PKIA: variants seen among roughly 807,000 people sequenced by gnomAD.
PKIA encodes the protein PKI-alpha.
In PKIA, 4 loss-of-function variants were observed where a neutral mutation model predicts 7.6. That is an observed-to-expected ratio of 0.52 (90% confidence interval 0.26 to 1.20). The LOEUF is 1.20. PKIA is among the 50% of genes most tolerant of loss of function. The pLI is 0.13. For missense variants in PKIA, 73 were observed against 86.2 expected, an observed-to-expected ratio of 0.85 and a Z score of 0.61; for synonymous variants, 21 against 30.7, an observed-to-expected ratio of 0.68 and a Z score of 1.04.
intron 1 of PKIA, among the ~76,000 whole-genome samples, chr8:78,539,485 G>T (rs534184083): frequency 1.3e-5 from 2 of 152,070 alleles, no homozygotes; most frequent in Non-Finnish European, 2.9e-5. Flanking sequence ...TTCTTGAGAT[G>T]TAGAACATCT....
intron 1 of PKIA, among the ~76,000 whole-genome samples, chr8:78,528,451 T>C (rs920869274): frequency 6.6e-6 from 1 of 152,074 alleles, no homozygotes; most frequent in African/African-American, 2.4e-5. Context: ...AGGCCAGACC[T>C]GTCAATTAGA....
intron 2 of PKIA, among the ~76,000 whole-genome samples, chr8:78,587,553 T>C (rs1347541526): frequency 1.3e-5 from 2 of 152,146 alleles, no homozygotes; most frequent in East Asian, 3.8e-4. Flanking sequence ...GATAAATGAT[T>C]TATAAACCCT....
intron 2 of PKIA, among the ~76,000 whole-genome samples, chr8:78,574,594 T>A (rs1221239956): frequency 6.6e-6 from 1 of 151,960 alleles, no homozygotes; most frequent in Admixed American, 6.6e-5. Flanking sequence ...CTCCCAGGTG[T>A]GAAAGTGAAC....
At chr8:78,564,349 T>A (rs1054633885) in intron 1 of PKIA, among the ~76,000 whole-genome samples, 2 of 151,890 alleles carry the variant, frequency 1.3e-5, no homozygotes, top group African/African-American at 4.8e-5. Context: ...TAGGAATAAG[T>A]TATGAAGAGG....
intron 2 of PKIA, among the ~76,000 whole-genome samples, chr8:78,583,009 C>A (rs187135985): frequency 6.6e-6 from 1 of 152,300 alleles, no homozygotes; most frequent in East Asian, 1.9e-4. Context: ...CTCTCAGAAA[C>A]CTGGGCACTT....
intron 1 of PKIA, among the ~76,000 whole-genome samples, chr8:78,539,349 G>A (rs1043010525): frequency 2.6e-5 from 4 of 152,078 alleles, no homozygotes; most frequent in African/African-American, 7.2e-5. Context: ...AAAACAAAAA[G>A]GGAGACTCAG....
rs1364998129 is a variant in PKIA, at chr8:78,602,945, T to C, written c.*1124T>C. On this transcript the variant is annotated 3_prime_UTR_variant, in exon 4 of 4. Transcript: ENST00000396418. ...AAAGTAAAGCCCTGGTGTTGTGTTT[T>C]CATGTCTTTTTTCAGCCCTCTCAGA... The C allele has an allele frequency of 1.3e-5, 2 of 152,276 alleles. No individual in the cohort carries two copies. The highest frequency in any genetic ancestry group is 2.9e-5 in the Non-Finnish European group (2 of 67,912). 9.4% of individuals were successfully genotyped at this position (152,276 alleles called of 1,614,324 possible). A position where few individuals can be genotyped will look rare whatever the true frequency, so the allele number is the denominator to read the frequency against.
chr8:78,594,684 G>A (rs1370579983), intron 2 of PKIA, among the ~76,000 whole-genome samples: 2 of 152,140 alleles, frequency 1.3e-5, no homozygotes, highest in Non-Finnish European at 2.9e-5. Flanking sequence ...AGAAATGGGG[G>A]GAAATATATT....
chr8:78,546,156 G>A (rs1050521010), intron 1 of PKIA, among the ~76,000 whole-genome samples: 1 of 152,144 alleles, frequency 6.6e-6, no homozygotes, highest in Non-Finnish European at 1.5e-5. Context: ...ACTGCTAATT[G>A]TGTGATTGTC....
intron 2 of PKIA, among the ~76,000 whole-genome samples, chr8:78,591,047 G>A (rs1250613625): frequency 1.3e-5 from 2 of 152,206 alleles, no homozygotes; most frequent in Admixed American, 6.5e-5. Context: ...AGGAATCATA[G>A]TATTCAGATT....
chr8:78,562,458 C>A (rs566775207), intron 1 of PKIA, among the ~76,000 whole-genome samples: 1 of 152,276 alleles, frequency 6.6e-6, no homozygotes, highest in East Asian at 1.9e-4. Context: ...GACACTAAAA[C>A]ATAAACCACT....
At chr8:78,521,560 A>C (rs1040592740) in intron 1 of PKIA, among the ~76,000 whole-genome samples, 2 of 152,040 alleles carry the variant, frequency 1.3e-5, no homozygotes, top group Non-Finnish European at 2.9e-5. Flanking sequence ...GGACAACTTA[A>C]GCTGTTACCT....
intron 2 of PKIA, among the ~76,000 whole-genome samples, chr8:78,583,716 T>C (rs755389727): frequency 6.6e-6 from 1 of 152,058 alleles, no homozygotes; most frequent in Non-Finnish European, 1.5e-5. Context: ...GGAGTTGTCA[T>C]ACCTTAGAGG....
At chr8:78,518,385 A>G (rs1474641190) in intron 1 of PKIA, among the ~76,000 whole-genome samples, 2 of 152,242 alleles carry the variant, frequency 1.3e-5, no homozygotes, top group Non-Finnish European at 2.9e-5. Flanking sequence ...AAAGAACAAG[A>G]TCAACAACAA....
chr8:78,520,861 T>C (rs1042967354), intron 1 of PKIA, among the ~76,000 whole-genome samples: 1 of 152,286 alleles, frequency 6.6e-6, no homozygotes, highest in Admixed American at 6.5e-5. Context: ...CCTTGGACAA[T>C]ATGTGTGTCC....
At chr8:78,550,447 A>G (rs1213255381) in intron 1 of PKIA, among the ~76,000 whole-genome samples, 1 of 152,074 alleles carries the variant, frequency 6.6e-6, no homozygotes, top group African/African-American at 2.4e-5. Flanking sequence ...AGTGATCTTG[A>G]AAAAGGGTGG....
intron 1 of PKIA, among the ~76,000 whole-genome samples, chr8:78,526,825 C>T (rs139125427): frequency 6.6e-6 from 1 of 151,814 alleles, no homozygotes; most frequent in Non-Finnish European, 1.5e-5. Flanking sequence ...AGGAGAAACA[C>T]CAGCCTATAA....
At chr8:78,576,733 C>G (rs528583594) in intron 2 of PKIA, among the ~76,000 whole-genome samples, 1 of 152,042 alleles carries the variant, frequency 6.6e-6, no homozygotes, top group East Asian at 1.9e-4. Context: ...AGGATTTTGT[C>G]TTTGACAGTG....
At chr8:78,546,881 A>T (rs968117297) in intron 1 of PKIA, among the ~76,000 whole-genome samples, 4 of 152,130 alleles carry the variant, frequency 2.6e-5, no homozygotes, top group African/African-American at 7.2e-5. Context: ...ACAAAATTAA[A>T]CCTTGTATTT....
Sources: allele counts gnomAD v4.1 joint callset (sites outside exome capture counted in the v4.1 genomes callset), GRCh38; gene constraint gnomAD v4.1.1; transcripts MANE v1.5; gene names NCBI Gene and HGNC (gene_info 2026-07-23, HGNC 2026-07-21).